Variants in BRINP1 observed in about 807,000 individuals in gnomAD.
BRINP1 encodes BMP/retinoic acid-inducible neural-specific protein 1.
A neutral mutation model predicts 72.9 loss-of-function variants in BRINP1; 17 were observed. The observed-to-expected ratio is 0.23, with a 90% CI of 0.16 to 0.35. The LOEUF (loss-of-function observed/expected upper bound fraction) is 0.35, where lower values mean the gene tolerates loss of function less well. Ranked by LOEUF, BRINP1 falls within the 10% of genes least tolerant of loss-of-function variation. The pLI is 1.00. For synonymous variants in BRINP1, 418 were observed against 378.5 expected (o/e 1.10, Z -1.21); for missense variants, 850 against 1,001.6 (o/e 0.85, Z 2.04).
chr9:119,328,169 AG>A (rs887425568), intron 1 of BRINP1, among the ~76,000 whole-genome samples: 9 of 152,326 alleles, frequency 5.9e-5, no homozygotes, highest in African/African-American at 1.9e-4. Flanking sequence ...CCAGGGGAGC[AG>A]GGGTGTGTAA....
chr9:119,329,499 G>A (rs987660628), intron 1 of BRINP1, among the ~76,000 whole-genome samples: 1 of 152,160 alleles, frequency 6.6e-6, no homozygotes, highest in Admixed American at 6.5e-5. Flanking sequence ...TGCTGGATGT[G>A]CCTGGGCCGG....
chr9:119,209,749 A>C (rs1239508754), intron 6 of BRINP1, among the ~76,000 whole-genome samples: 2 of 152,220 alleles, frequency 1.3e-5, no homozygotes, highest in African/African-American at 2.4e-5. Flanking sequence ...TCTCATGTTG[A>C]AATGCAGGCA....
intron 5 of BRINP1, among the ~76,000 whole-genome samples, chr9:119,229,363 C>A (rs1830125575): frequency 6.6e-6 from 1 of 152,020 alleles, no homozygotes; most frequent in Non-Finnish European, 1.5e-5. Context: ...TTCTTACATG[C>A]ATAATACAAC....
chr9:119,177,207 C>CT (rs1829499355), intron 7 of BRINP1, among the ~76,000 whole-genome samples: 1 of 152,174 alleles, frequency 6.6e-6, no homozygotes, highest in African/African-American at 2.4e-5. Flanking sequence ...CCCCTCAGGA[C>CT]TGCAGTATTC....
chr9:119,172,663 G>T (rs1487671829), intron 7 of BRINP1, among the ~76,000 whole-genome samples: 1 of 151,346 alleles, frequency 6.6e-6, no homozygotes, highest in African/African-American at 2.4e-5. Flanking sequence ...CCAAAGCCAG[G>T]CAGAGACACA....
intron 2 of BRINP1, among the ~76,000 whole-genome samples, chr9:119,295,171 A>G (rs1830862385): frequency 6.6e-6 from 1 of 151,622 alleles, no homozygotes; most frequent in Non-Finnish European, 1.5e-5. Context: ...TTTTTTTTTA[A>G]TTATTTATTT....
chr9:119,249,405 G>C (rs1830355364), intron 2 of BRINP1, among the ~76,000 whole-genome samples: 2 of 152,156 alleles, frequency 1.3e-5, no homozygotes, highest in Non-Finnish European at 2.9e-5. Flanking sequence ...CAGAGCACCA[G>C]GGAGACAAAT....
At chr9:119,231,490 T>TG (rs1434765627) in intron 5 of BRINP1, among the ~76,000 whole-genome samples, 1 of 152,250 alleles carries the variant, frequency 6.6e-6, no homozygotes, top group East Asian at 1.9e-4. Flanking sequence ...ACTTTACTCC[T>TG]GATCACCTTA....
intron 1 of BRINP1, among the ~76,000 whole-genome samples, chr9:119,366,549 TGTGTGTGTG>T (rs1564259560): frequency 6.7e-6 from 1 of 149,634 alleles, no homozygotes; most frequent in East Asian, 2.0e-4. Flanking sequence ...TGTGTGTGTG[TGTGTGTGTG>T]TGTCTTTCGG....
At chr9:119,260,947 T>C (rs1463451117) in intron 2 of BRINP1, among the ~76,000 whole-genome samples, 2 of 152,130 alleles carry the variant, frequency 1.3e-5, no homozygotes, top group Non-Finnish European at 2.9e-5. Flanking sequence ...GTAAATGTCA[T>C]GAAAACACAG....
rs141113114 is a variant in BRINP1 at position 119,167,300 on chromosome 9, C to A, written c.2070G>T (p.Ser690=). 2 of 1,614,094 alleles carry A rather than the reference C, an allele frequency of 1.2e-6. No individual in the cohort carries two copies. The highest frequency in any genetic ancestry group is 1.7e-5 in the Admixed American group (1 of 60,024). Residue 690 remains serine (S), a synonymous_variant, in exon 8 of 8, where the codon TCG becomes TCT. Coordinates refer to ENST00000265922, the MANE Select transcript of BRINP1 (RefSeq NM_014618.3). This position sits in a 1 kb window ranked among gnomAD's most constrained non-coding sequence, Gnocchi z 4.3. The part of the protein sequence containing the change: ...YTQGGQFYSS[S]SVMLLLLDIR... ...TATCCAACAAGAGGAGCATCACTGA[C>A]GAAGAGGAATAGAACTGGCCGCCCT...
intron 5 of BRINP1, among the ~76,000 whole-genome samples, chr9:119,236,251 C>T (rs1830190752): frequency 6.6e-6 from 1 of 152,152 alleles, no homozygotes; most frequent in Non-Finnish European, 1.5e-5. Flanking sequence ...CAGGTGTACT[C>T]TAACCCATCT....
intron 5 of BRINP1, among the ~76,000 whole-genome samples, chr9:119,220,112 C>A (rs548347208): frequency 6.6e-6 from 1 of 152,318 alleles, no homozygotes; most frequent in Non-Finnish European, 1.5e-5. Flanking sequence ...AAGCAGAAAT[C>A]TGTGAGCTCC....
intron 1 of BRINP1, among the ~76,000 whole-genome samples, chr9:119,362,987 C>CT (rs1233020265): frequency 1.1e-4 from 16 of 152,230 alleles, no homozygotes; most frequent in Non-Finnish European, 1.8e-4. Flanking sequence ...GCCTACCTTC[C>CT]TAATTCCCTT....
chr9:119,360,063 G>C (rs149673474), intron 1 of BRINP1, among the ~76,000 whole-genome samples: 11 of 152,096 alleles, frequency 7.2e-5, no homozygotes, highest in African/African-American at 2.7e-4. Flanking sequence ...CACTTGCAAG[G>C]CTTCACTGGA....
intron 7 of BRINP1, among the ~76,000 whole-genome samples, chr9:119,176,575 T>C (rs2118832438): frequency 6.6e-6 from 1 of 152,292 alleles, no homozygotes; most frequent in East Asian, 1.9e-4. Context: ...TAAGTCTCAG[T>C]ATCAATATCT....
At position 119,191,395 on chromosome 9, in the gene BRINP1, C is replaced by A. The variant is rs150802367; in HGVS notation, c.1145+17324G>T. 1.4e-3 allele frequency among the ~76,000 whole-genome samples: 208 copies of A among 151,714 alleles called. 1 individual carries two copies. The highest frequency in any genetic ancestry group is 4.8e-3 in the African/African-American group (197 of 41,468). ...CTAATATGCAGAAAACCCCAAAGATCCCCCCACAAAAAACTATTAGAATAA... is the reference window on the plus strand; with the variant it reads ...CTAATATGCAGAAAACCCCAAAGATACCCCCACAAAAAACTATTAGAATAA... On this transcript the variant is annotated intron_variant, in intron 7 of 7. Coordinates refer to ENST00000265922, the MANE Select transcript of BRINP1 (RefSeq NM_014618.3).
intron 2 of BRINP1, among the ~76,000 whole-genome samples, chr9:119,277,077 T>C (rs1183696811): frequency 6.6e-6 from 1 of 152,234 alleles, no homozygotes; most frequent in Non-Finnish European, 1.5e-5. Context: ...TGTAGCCTTT[T>C]GGGTCTGGCT....
intron 2 of BRINP1, among the ~76,000 whole-genome samples, chr9:119,305,276 A>T (rs1390653017): frequency 6.6e-6 from 1 of 152,204 alleles, no homozygotes; most frequent in Admixed American, 6.5e-5. Context: ...TCAAACTAAA[A>T]TGTATTTGTT....
Sources: gnomAD v4.1 joint callset for allele counts (sites outside exome capture counted in the v4.1 genomes callset) on GRCh38, gnomAD v4.1.1 for gene constraint, Gnocchi (gnomAD v3.1) non-coding constraint, MANE v1.5 for transcripts, NCBI Gene and HGNC (gene_info 2026-07-23, HGNC 2026-07-21) for gene names.